PODNL1: variants seen among roughly 807,000 people sequenced by gnomAD.
The protein encoded by PODNL1 is podocan like 1.
In PODNL1, 50 loss-of-function variants were observed where a neutral mutation model predicts 45.1. The observed-to-expected ratio is 1.11, with a 90% CI of 0.88 to 1.40. The LOEUF is 1.40. PODNL1 is among the 40% of genes most tolerant of loss of function. The probability of loss-of-function intolerance (pLI) is 0.00; values close to 1 mark genes in which losing one functional copy is unlikely to be tolerated. For synonymous variants in PODNL1, 406 were observed against 372.5 expected (o/e 1.09, Z -1.04); for missense variants, 788 against 793.3 (o/e 0.99, Z 0.08).
chr19:13,933,940 G>T lies in PODNL1; in HGVS notation c.705C>A (p.Leu235=). 1 of 1,612,854 alleles carries T rather than the reference G, an allele frequency of 6.2e-7. No individual in the cohort carries two copies. Among genetic ancestry groups the T allele is most frequent in the South Asian group, 1.1e-5 (1 of 90,706 alleles). Residue 235 remains leucine (L), a synonymous_variant, in exon 7 of 10, where the codon CTC becomes CTA. Coordinates refer to ENST00000588872, the MANE Select transcript of PODNL1 (RefSeq NM_001370095.3). This position sits in a 1 kb window ranked among gnomAD's most constrained non-coding sequence, Gnocchi z 5.2. ...PRGALSRQTQ[L]RELYLQHNQL... is the part of the protein sequence containing the mutation. ...GGTTGTGCTGGAGGTAGAGCTCACG[G>T]AGTTGAGTCTGGCGGCTCAGGGCTC...
intron 1 of PODNL1, among the ~76,000 whole-genome samples, chr19:13,948,866 C>T (rs372768276): frequency 1.3e-5 from 2 of 149,122 alleles, no homozygotes; most frequent in Admixed American, 6.7e-5. Context: ...ATCACTTGAA[C>T]CTGGGAGGAG....
At chr19:13,936,327 C>G (rs752662272) in intron 3 of PODNL1, 40 bp downstream of exon 3, 2 of 1,556,372 alleles carry the variant, frequency 1.3e-6, no homozygotes, top group South Asian at 2.2e-5. Flanking sequence ...CTCGGTCAGT[C>G]CTACAGCCCC....
At position 13,933,315 on chromosome 19, in the gene PODNL1, G is replaced by A. The variant is rs368240194; in HGVS notation, c.908C>T (p.Ala303Val). 8.8e-5 allele frequency: 141 copies of A among 1,595,320 alleles called. No individual in the cohort carries two copies. The African/African-American group carries it at 1.7e-3, about 20-fold the overall frequency. Residue 303 changes from alanine to valine, a missense_variant, in exon 8 of 10, where the codon GCG (alanine) becomes GTG (valine). Transcript: ENST00000588872. This position sits in a 1 kb window ranked among gnomAD's most constrained non-coding sequence, Gnocchi z 5.2. ...RQVEAARLHG[A>V]RGLRYLLLQH... ...CAGCAACAAATAGCGCAGACCACGC[G>A]CCCCGTGCAGCCGAGCCGCCTCCAC...
At chr19:13,950,162 C>T (rs1256987957) in intron 1 of PODNL1, among the ~76,000 whole-genome samples, 1 of 151,706 alleles carries the variant, frequency 6.6e-6, no homozygotes, top group Non-Finnish European at 1.5e-5. Context: ...TCCACCATGC[C>T]TGGCCTTGTT....
chr19:13,931,477 G>A lies in PODNL1; in HGVS notation c.*260C>T, dbSNP rs1281222590. 2 of 382,438 alleles carry A rather than the reference G, an allele frequency of 5.2e-6. No homozygotes were observed. The highest frequency in any genetic ancestry group is 9.2e-6 in the Non-Finnish European group (2 of 217,502). 23.7% of individuals were successfully genotyped at this position (382,438 alleles called of 1,614,324 possible). ...GGTGCCTGGTCCGTGCTGAGTGCTG[G>A]AAGGGTTTGGCTTTATTGTTGCTGC... On this transcript the variant is annotated 3_prime_UTR_variant, in exon 10 of 10. Coordinates refer to ENST00000588872, the MANE Select transcript of PODNL1 (RefSeq NM_001370095.3).
intron 1 of PODNL1, chr19:13,953,066 T>C: frequency 6.5e-7 from 1 of 1,548,172 alleles, no homozygotes; most frequent in East Asian, 2.5e-5. Context: ...CTCCGCCTGA[T>C]GTTCCTCTCC....
chr19:13,931,499 C>G lies in PODNL1; in HGVS notation c.*238G>C. 1 of 406,618 alleles carries G rather than the reference C, an allele frequency of 2.5e-6. No individual in the cohort carries two copies. Among genetic ancestry groups the G allele is most frequent in the Non-Finnish European group, 4.2e-6 (1 of 235,876 alleles). 25.2% of individuals were successfully genotyped at this position (406,618 alleles called of 1,614,324 possible). On this transcript the variant is annotated 3_prime_UTR_variant, in exon 10 of 10. Coordinates refer to ENST00000588872, the MANE Select transcript of PODNL1 (RefSeq NM_001370095.3). ...CTGGAAGGGTTTGGCTTTATTGTTG[C>G]TGCCTCCATCTGTGTTGGGAGTTTG...
chr19:13,950,250 C>G (rs911418243), intron 1 of PODNL1, among the ~76,000 whole-genome samples: 19 of 152,164 alleles, frequency 1.2e-4, no homozygotes, highest in African/African-American at 4.6e-4. Flanking sequence ...TCCCTGCAGC[C>G]TTGACCTCCT....
At chr19:13,948,017 G>A (rs891624180) in intron 1 of PODNL1, among the ~76,000 whole-genome samples, 1 of 151,864 alleles carries the variant, frequency 6.6e-6, no homozygotes, top group African/African-American at 2.4e-5. Context: ...AGGCCCTCAT[G>A]CTAATTTCTA....
intron 1 of PODNL1, among the ~76,000 whole-genome samples, chr19:13,945,037 A>C (rs1972770659): frequency 6.6e-6 from 1 of 152,082 alleles, no homozygotes; most frequent in Admixed American, 6.6e-5. Context: ...TGGCCTCCCA[A>C]AGGGCTGAGG....
In PODNL1 at chr19:13,933,632, C is replaced by T. The variant is rs1048040032; in HGVS notation, c.768-177G>A. Among the ~76,000 whole-genome samples the T allele has an allele frequency of 3.3e-5, 5 of 152,072 alleles. No homozygotes were observed. Among genetic ancestry groups the T allele is most frequent in the Non-Finnish European group, 4.4e-5 (3 of 68,002 alleles). ...AACTTGGGGTGCCCAGGGCAGATTC[C>T]AGCCTGAGAGTTAGCTATGGGGGTG... On this transcript the variant is annotated intron_variant, in intron 7 of 9. Coordinates refer to ENST00000588872, the MANE Select transcript of PODNL1 (RefSeq NM_001370095.3). This position sits in a 1 kb window ranked among gnomAD's most constrained non-coding sequence, Gnocchi z 5.2.
At position 13,933,479 on chromosome 19, in the gene PODNL1, T is replaced by A. The variant is rs1054984938; in HGVS notation, c.768-24A>T. On this transcript the variant is annotated intron_variant, in intron 7 of 9. Transcript: ENST00000588872. This position sits in a 1 kb window ranked among gnomAD's most constrained non-coding sequence, Gnocchi z 5.2. Reference sequence around the variant, plus strand: ...TGCTGGAAGGAGAGAGGGTCGGTGTTAGGTGGGGCACTTGGAGTGGGGTGC... The same window carrying A: ...TGCTGGAAGGAGAGAGGGTCGGTGTAAGGTGGGGCACTTGGAGTGGGGTGC... The A allele has an allele frequency of 6.5e-7, 1 of 1,529,478 alleles. No homozygotes were observed. Among genetic ancestry groups the A allele is most frequent in the East Asian group, 2.3e-5 (1 of 44,008 alleles). The allele number at this position is 1,529,478 out of a possible 1,614,324, so 94.7% of individuals were successfully genotyped here.
chr19:13,943,306 GAAAA>G (rs1972715352), upstream of PODNL1, among the ~76,000 whole-genome samples: 2 of 151,432 alleles, frequency 1.3e-5, no homozygotes, highest in South Asian at 4.2e-4. Flanking sequence ...AAAAAAAGAA[GAAAA>G]AAGAAAGAAA....
chr19:13,947,666 C>A (rs886713572), intron 1 of PODNL1, among the ~76,000 whole-genome samples: 1 of 152,134 alleles, frequency 6.6e-6, no homozygotes, highest in African/African-American at 2.4e-5. Flanking sequence ...ACGTATTCAA[C>A]TGACTTGGGC....
At chr19:13,937,501 A>T (rs1385711474) in intron 2 of PODNL1, among the ~76,000 whole-genome samples, 2 of 132,488 alleles carry the variant, frequency 1.5e-5, no homozygotes, top group African/African-American at 2.9e-5. Flanking sequence ...CAAACTCCCC[A>T]TCACACTAAC....
At chr19:13,952,349 G>C in intron 1 of PODNL1, 3 of 1,035,994 alleles carry the variant, frequency 2.9e-6, no homozygotes, top group South Asian at 9.9e-5. Flanking sequence ...GGCTGTTACT[G>C]TCGCTACCAA....
chr19:13,932,918 C>A lies in PODNL1; in HGVS notation c.1305G>T (p.Arg435=), dbSNP rs1708413766. ...RTLQLQRNQL[R]MLEPEPLAGL... ...CGGCCAGAGGCTCGGGCTCGAGCAT[C>A]CGCAGCTGGTTGCGTTGCAGCTGCA... The change falls in exon 8 of 10, where the codon CGG becomes CGT. Residue 435 remains arginine (R), a synonymous_variant. Transcript: ENST00000588872. The A allele has an allele frequency of 1.3e-6, 2 of 1,580,564 alleles. No homozygotes were observed. The highest frequency in any genetic ancestry group is 2.7e-5 in the African/African-American group (2 of 74,300).
chr19:13,933,056 G>A lies in PODNL1; in HGVS notation c.1167C>T (p.Ser389=), dbSNP rs986034981. The change falls in exon 8 of 10, where the codon AGC becomes AGT. Residue 389 remains serine (S), a synonymous_variant. Transcript: ENST00000588872. The surrounding 1 kb of genome is among the most constrained non-coding windows in gnomAD (Gnocchi z 5.2). ...GGAAGGCCCGGTGGTGCACACGGGC[G>A]CTGGCCAGGCGGTTATAGGCCAGGT... The part of the protein sequence containing the change: ...ELNLAYNRLA[S]ARVHHRAFRR... The A allele has an allele frequency of 1.6e-5, 24 of 1,535,892 alleles. No homozygotes were observed. Among genetic ancestry groups the A allele is most frequent in the South Asian group, 3.6e-5 (3 of 84,044 alleles).
In PODNL1 at chr19:13,933,860, C is replaced by T; in HGVS notation, c.767+18G>A. On this transcript the variant is annotated intron_variant, in intron 7 of 9. Transcript: ENST00000588872. This position sits in a 1 kb window ranked among gnomAD's most constrained non-coding sequence, Gnocchi z 5.2. ...ACTGTAAATTCTCAGCCCCTGCTGC[C>T]CCCCAACCAGCCTGTACCTGAAGGT... is the stretch of plus-strand genomic sequence containing the variant. The T allele has an allele frequency of 1.3e-6, 2 of 1,576,364 alleles. No individual in the cohort carries two copies. Among genetic ancestry groups the T allele is most frequent in the Non-Finnish European group, 1.7e-6 (2 of 1,160,296 alleles).
Sources: allele counts gnomAD v4.1 joint callset (sites outside exome capture counted in the v4.1 genomes callset), GRCh38; gene constraint gnomAD v4.1.1; non-coding constraint Gnocchi (gnomAD v3.1); transcripts MANE v1.5; gene names NCBI Gene and HGNC (gene_info 2026-07-23, HGNC 2026-07-21).